The following SLC24A3 variants were observed in gnomAD, a reference collection of about 807,000 sequenced individuals.
SLC24A3 encodes solute carrier family 24 member 3, also known as sodium/potassium/calcium exchanger 3.
SLC24A3 carries 28 observed loss-of-function variants against 75.8 expected under a neutral mutation model. The observed-to-expected ratio is 0.37, with a 90% confidence interval of 0.27 to 0.51. The LOEUF (loss-of-function observed/expected upper bound fraction) is 0.51. SLC24A3 is among the 20% of genes least tolerant of loss of function. The pLI is 0.94. For missense variants in SLC24A3, 663 were observed against 847.8 expected, an observed-to-expected ratio of 0.78 and a Z score of 2.71; for synonymous variants, 372 against 334.1, an observed-to-expected ratio of 1.11 and a Z score of -1.24.
intron 3 of SLC24A3, among the ~76,000 whole-genome samples, chr20:19,555,751 A>T (rs2030772067): frequency 6.6e-6 from 1 of 152,214 alleles, no homozygotes; most frequent in Non-Finnish European, 1.5e-5. Context: ...AGAATATTGT[A>T]AATTACTCTG....
At chr20:19,245,062 C>CAG (rs1982446821) in intron 1 of SLC24A3, among the ~76,000 whole-genome samples, 1 of 152,084 alleles carries the variant, frequency 6.6e-6, no homozygotes. Flanking sequence ...AAACAGGGGA[C>CAG]TGTATGGTAA....
At chr20:19,577,213 C>T (rs377600881) in intron 3 of SLC24A3, among the ~76,000 whole-genome samples, 3 of 152,004 alleles carry the variant, frequency 2.0e-5, no homozygotes, top group African/African-American at 4.8e-5. Flanking sequence ...CACCACCACG[C>T]GCAGCTAATT....
Position 19,220,523 on chromosome 20 carries a change from C to T in SLC24A3, c.142+7539C>T, listed in dbSNP as rs552074088. ...TAAGGGATTGGTGACCTCAGGAAGT[C>T]GATAATGCCATGTTTAAGACAGAAC... On this transcript the variant is annotated intron_variant, in intron 1 of 16. Coordinates refer to ENST00000328041, the MANE Select transcript of SLC24A3 (RefSeq NM_020689.4). Among the ~76,000 whole-genome samples the T allele has an allele frequency of 3.0e-4, 45 of 152,094 alleles. No homozygotes were observed. The South Asian group carries it at 5.8e-3, about 20-fold the overall frequency.
intron 2 of SLC24A3, among the ~76,000 whole-genome samples, chr20:19,475,414 C>T (rs1173182825): frequency 6.6e-6 from 1 of 151,718 alleles, no homozygotes; most frequent in African/African-American, 2.4e-5. Context: ...TTAAAGGGCC[C>T]AATGGATGGC....
At chr20:19,262,569 G>A (rs1370525988) in intron 1 of SLC24A3, among the ~76,000 whole-genome samples, 1 of 152,136 alleles carries the variant, frequency 6.6e-6, no homozygotes, top group East Asian at 1.9e-4. Context: ...TTTGGTCAAG[G>A]AGATGCCATA....
intron 14 of SLC24A3, chr20:19,697,399 A>G (rs1237595022): frequency 6.3e-6 from 1 of 158,266 alleles, no homozygotes; most frequent in Non-Finnish European, 1.4e-5. Flanking sequence ...TGAAATAAGC[A>G]CAATCATACC....
intron 7 of SLC24A3, among the ~76,000 whole-genome samples, chr20:19,656,385 T>TTCAGAATA (rs11281390): frequency 2.0e-5 from 3 of 151,186 alleles, no homozygotes. Flanking sequence ...AGCAGAGAGG[T>TTCAGAATA]TCATGCTGGA....
At chr20:19,221,823 ATGAC>A (rs1418232102) in intron 1 of SLC24A3, among the ~76,000 whole-genome samples, 4 of 152,264 alleles carry the variant, frequency 2.6e-5, no homozygotes, top group African/African-American at 9.6e-5. Context: ...TCACAATTAT[ATGAC>A]TGGCGTGGGT....
At chr20:19,431,337 T>C (rs1231153494) in intron 2 of SLC24A3, among the ~76,000 whole-genome samples, 1 of 152,124 alleles carries the variant, frequency 6.6e-6, no homozygotes, top group East Asian at 1.9e-4. Flanking sequence ...CTGCACCTTC[T>C]GACCCAAGTG....
chr20:19,411,325 CT>C (rs1482709351), intron 2 of SLC24A3, among the ~76,000 whole-genome samples: 2 of 152,156 alleles, frequency 1.3e-5, no homozygotes, highest in Non-Finnish European at 2.9e-5. Context: ...TTGGGTTTTT[CT>C]TTAGGGGGAC....
chr20:19,263,178 G>C (rs1983051460), intron 1 of SLC24A3, among the ~76,000 whole-genome samples: 1 of 152,142 alleles, frequency 6.6e-6, no homozygotes, highest in Non-Finnish European at 1.5e-5. Context: ...GACCTTGGCT[G>C]GTAGTGGCTG....
chr20:19,331,408 TGATA>T (rs774974952), intron 2 of SLC24A3, among the ~76,000 whole-genome samples: 1 of 151,948 alleles, frequency 6.6e-6, no homozygotes, highest in Non-Finnish European at 1.5e-5. Context: ...TAGATATGAT[TGATA>T]GATGGATAGA....
At chr20:19,257,884 G>C (rs941402348) in intron 1 of SLC24A3, among the ~76,000 whole-genome samples, 1 of 152,178 alleles carries the variant, frequency 6.6e-6, no homozygotes, top group African/African-American at 2.4e-5. Flanking sequence ...AAAATGCAGT[G>C]GGGAGATCAT....
chr20:19,670,529 C>T (rs539507965), intron 8 of SLC24A3, among the ~76,000 whole-genome samples: 10 of 152,296 alleles, frequency 6.6e-5, no homozygotes, highest in Admixed American at 2.0e-4. Flanking sequence ...AGCATACATA[C>T]GCCTGTTTAT....
At chr20:19,692,482 A>G (rs2032755582) in intron 12 of SLC24A3, among the ~76,000 whole-genome samples, 1 of 152,248 alleles carries the variant, frequency 6.6e-6, no homozygotes, top group South Asian at 2.1e-4. Context: ...ATGAATCTCA[A>G]TCACATTATG....
chr20:19,622,582 A>G (rs1188220940), intron 6 of SLC24A3, among the ~76,000 whole-genome samples: 1 of 152,224 alleles, frequency 6.6e-6, no homozygotes, highest in African/African-American at 2.4e-5. Context: ...GTCATTCACA[A>G]CACACCATGC....
At chr20:19,397,114 C>G (rs1053020117) in intron 2 of SLC24A3, among the ~76,000 whole-genome samples, 1 of 152,172 alleles carries the variant, frequency 6.6e-6, no homozygotes. Flanking sequence ...GCATTTCAAC[C>G]CCACTCAATA....
chr20:19,435,546 C>G (rs1987183936), intron 2 of SLC24A3, among the ~76,000 whole-genome samples: 1 of 152,196 alleles, frequency 6.6e-6, no homozygotes, highest in Admixed American at 6.5e-5. Context: ...GCTCACAGTT[C>G]AGTACTGGAC....
chr20:19,674,549 C>T (rs1179533071), intron 9 of SLC24A3, among the ~76,000 whole-genome samples: 1 of 152,204 alleles, frequency 6.6e-6, no homozygotes, highest in Non-Finnish European at 1.5e-5. Context: ...AAGAAGGGCC[C>T]TGCAGCACCT....
Sources: gnomAD v4.1 joint callset for allele counts (sites outside exome capture counted in the v4.1 genomes callset) on GRCh38, gnomAD v4.1.1 for gene constraint, MANE v1.5 for transcripts, NCBI Gene and HGNC (gene_info 2026-07-23, HGNC 2026-07-21) for gene names.